Variants in SYK observed in about 807,000 individuals in gnomAD.
SYK encodes spleen associated tyrosine kinase, also known as tyrosine-protein kinase SYK.
Under a neutral mutation model 77.8 loss-of-function variants are expected in SYK, and 16 were observed. The observed-to-expected ratio is 0.21, with a 90% confidence interval of 0.14 to 0.31. SYK has a LOEUF of 0.31. Among genes scored for constraint, SYK ranks in the 10% least tolerant of loss-of-function variants. The pLI, the probability that SYK is intolerant of heterozygous loss-of-function variation, is 1.00. For synonymous variants in SYK, 312 were observed against 308.7 expected, an observed-to-expected ratio of 1.01 and a Z score of -0.11; for missense variants, 529 against 814.4, an observed-to-expected ratio of 0.65 and a Z score of 4.26.
chr9:90,875,243 AT>A (rs59431903), intron 9 of SYK, among the ~76,000 whole-genome samples: 26,150 of 148,876 alleles, frequency 0.18, 2,546 homozygotes, highest in Admixed American at 0.29. Flanking sequence ...TACAAAAAAA[AT>A]AAATAAATAA....
At chr9:90,813,758 T>C (rs1413894773) in intron 1 of SYK, among the ~76,000 whole-genome samples, 1 of 152,186 alleles carries the variant, frequency 6.6e-6, no homozygotes, top group Non-Finnish European at 1.5e-5. Flanking sequence ...AAAAAGATTT[T>C]ATAAGAGGGT....
At chr9:90,867,307 C>A in intron 7 of SYK, 108 bp downstream of exon 7, 1 of 1,140,812 alleles carries the variant, frequency 8.8e-7, no homozygotes, top group Non-Finnish European at 1.3e-6. Flanking sequence ...CCATCTCTTG[C>A]CACTCTGCTT....
chr9:90,866,610 G>C (rs1003596444), intron 6 of SYK, among the ~76,000 whole-genome samples: 1 of 152,144 alleles, frequency 6.6e-6, no homozygotes, highest in African/African-American at 2.4e-5. Flanking sequence ...CAAGCCCTGT[G>C]CTTAGCCATC....
At position 90,865,031 on chromosome 9, in the gene SYK, A is replaced by G. The variant is rs747586863; in HGVS notation, c.797-17A>G. ...TCCTCAGATAGAGCAGTAATTGTCC[A>G]TGCTCTCTCTAACCAGGAAATGTTA... On this transcript the variant is annotated splice_polypyrimidine_tract_variant and intron_variant, in intron 5 of 13. Transcript: ENST00000375754. 1 of 1,613,518 alleles carries G rather than the reference A, an allele frequency of 6.2e-7. No individual in the cohort carries two copies. Among genetic ancestry groups the G allele is most frequent in the Admixed American group, 1.7e-5 (1 of 60,024 alleles).
At position 90,874,294 on chromosome 9, in the gene SYK, G is replaced by A. The variant is rs1182125210; in HGVS notation, c.1003+3G>A. ...TGCACCCTGGGCTGCAGACAAAGGT[G>A]AGACTTCCTTTCATTCAAGGGACAT... On this transcript the variant is annotated splice_donor_region_variant and intron_variant, in intron 8 of 13. Transcript: ENST00000375754. 1 of 1,614,004 alleles carries A rather than the reference G, an allele frequency of 6.2e-7. No individual in the cohort carries two copies. The highest frequency in any genetic ancestry group is 2.2e-5 in the East Asian group (1 of 44,874).
At chr9:90,811,901 G>A (rs1198632998) in intron 1 of SYK, among the ~76,000 whole-genome samples, 1 of 149,694 alleles carries the variant, frequency 6.7e-6, no homozygotes, top group Admixed American at 6.7e-5. Flanking sequence ...ACACCAGCCT[G>A]GGTGACAGAG....
chr9:90,865,341 T>C (rs909178633), intron 6 of SYK, among the ~76,000 whole-genome samples: 2 of 151,794 alleles, frequency 1.3e-5, no homozygotes, highest in African/African-American at 2.4e-5. Flanking sequence ...AGTGTCTCAC[T>C]CTGTCACCCT....
chr9:90,881,140 G>A (rs1173794185), intron 11 of SYK, among the ~76,000 whole-genome samples: 1 of 152,204 alleles, frequency 6.6e-6, no homozygotes, highest in Non-Finnish European at 1.5e-5. Flanking sequence ...CTTTTGAGGA[G>A]AAGTGTCAAA....
Position 90,865,045 on chromosome 9 carries a change from C to A in SYK, c.797-3C>A. 6.2e-7 allele frequency: 1 copy of A among 1,614,086 alleles called. No homozygotes were observed. The highest frequency in any genetic ancestry group is 8.5e-7 in the Non-Finnish European group (1 of 1,179,956). ...AGTAATTGTCCATGCTCTCTCTAAC[C>A]AGGAAATGTTAATTTTGGAGGCCGT... On this transcript the variant is annotated splice_polypyrimidine_tract_variant and splice_region_variant and intron_variant, in intron 5 of 13. Coordinates refer to ENST00000375754, the MANE Select transcript of SYK (RefSeq NM_003177.7).
At chr9:90,879,824 CT>C (rs1356599114) in intron 11 of SYK, among the ~76,000 whole-genome samples, 1 of 145,326 alleles carries the variant, frequency 6.9e-6, no homozygotes, top group Admixed American at 7.3e-5. Flanking sequence ...TTTGGACTTC[CT>C]AAAAAATAAT....
chr9:90,884,164 CACAT>C (rs1231579349), intron 11 of SYK, among the ~76,000 whole-genome samples: 1 of 69,416 alleles, frequency 1.4e-5, no homozygotes, highest in Non-Finnish European at 3.1e-5. Context: ...TATATATACA[CACAT>C]ACACATACGT....
At chr9:90,879,882 A>G (rs892183627) in intron 11 of SYK, among the ~76,000 whole-genome samples, 18 of 152,222 alleles carry the variant, frequency 1.2e-4, no homozygotes, top group African/African-American at 4.3e-4. Flanking sequence ...CCCCTCTCTG[A>G]ACCCTCAAAT....
At chr9:90,803,994 C>T (rs901943313) in intron 1 of SYK, among the ~76,000 whole-genome samples, 7 of 150,334 alleles carry the variant, frequency 4.7e-5, no homozygotes, top group South Asian at 2.1e-4. Flanking sequence ...GTTATCACTA[C>T]GAGAGCTTCT....
intron 9 of SYK, among the ~76,000 whole-genome samples, chr9:90,876,008 G>A (rs1387752185): frequency 2.0e-5 from 3 of 152,064 alleles, no homozygotes; most frequent in Non-Finnish European, 2.9e-5. Context: ...CTTTCCGGCC[G>A]GGTGCCGTGG....
chr9:90,848,494 G>A (rs958442601), intron 3 of SYK, among the ~76,000 whole-genome samples: 1 of 152,200 alleles, frequency 6.6e-6, no homozygotes, highest in East Asian at 1.9e-4. Context: ...TATTTGCAAC[G>A]AATAGCCACA....
intron 5 of SYK, 128 bp from the exon 6 acceptor site, chr9:90,864,920 C>T: frequency 1.1e-6 from 1 of 927,306 alleles, no homozygotes. Context: ...GAAAGAAGTA[C>T]CTGCAGAAAG....
intron 13 of SYK, among the ~76,000 whole-genome samples, chr9:90,889,656 T>C (rs889522698): frequency 1.3e-5 from 2 of 152,184 alleles, no homozygotes; most frequent in Non-Finnish European, 2.9e-5. Flanking sequence ...AAACTGTGGG[T>C]ATATGCTTCC....
intron 1 of SYK, among the ~76,000 whole-genome samples, chr9:90,812,543 C>A (rs114683003): frequency 0.016 from 2,387 of 152,302 alleles, 66 homozygotes; most frequent in African/African-American, 0.055. Context: ...CTCCACCCCA[C>A]CCAGTGCAGG....
intron 9 of SYK, 46 bp from the exon 10 acceptor site, chr9:90,877,525 T>G (rs867007523): frequency 3.1e-6 from 5 of 1,598,594 alleles, no homozygotes; most frequent in African/African-American, 2.7e-5. Flanking sequence ...TATCTAGAAG[T>G]GAGGCATTTT....
Sources: gnomAD v4.1 joint callset for allele counts (sites outside exome capture counted in the v4.1 genomes callset) on GRCh38, gnomAD v4.1.1 for gene constraint, MANE v1.5 for transcripts, NCBI Gene and HGNC (gene_info 2026-07-23, HGNC 2026-07-21) for gene names.